CACNA1D: variants seen among roughly 807,000 people sequenced by gnomAD.
The protein encoded by CACNA1D is voltage-dependent L-type calcium channel subunit alpha-1D.
Under a neutral mutation model 257.1 loss-of-function variants are expected in CACNA1D, and 55 were observed. The observed-to-expected ratio is 0.21, with a 90% CI of 0.17 to 0.27. The LOEUF is 0.27. Among genes scored for constraint, CACNA1D ranks in the 10% least tolerant of loss-of-function variants. The pLI is 1.00. For synonymous variants in CACNA1D, 980 were observed against 1,014.9 expected (o/e 0.97, Z 0.65); for missense variants, 1,876 against 2,784.0 (o/e 0.67, Z 7.34).
At position 53,723,516 on chromosome 3, in the gene CACNA1D, C is replaced by T. The variant is rs565265907; in HGVS notation, c.1749C>T (p.Phe583=). Residue 583 remains phenylalanine, a synonymous_variant, in exon 13 of 48, where the codon TTC becomes TTT. Transcript: ENST00000350061. This position sits in a 1 kb window ranked among gnomAD's most constrained non-coding sequence, Gnocchi z 5.6. ...KMYSLGLQAY[F]VSLFNRFDCF... is the part of the protein sequence containing the mutation. ...ACAGCTTGGGCCTCCAAGCATATTTCGTCTCTCTTTTCAACCGGTTTGATT... is the reference window on the plus strand; with the variant it reads ...ACAGCTTGGGCCTCCAAGCATATTTTGTCTCTCTTTTCAACCGGTTTGATT... The T allele has an allele frequency of 5.3e-5, 85 of 1,614,048 alleles. No homozygotes were observed. Among genetic ancestry groups the T allele is most frequent in the South Asian group, 1.6e-4 (15 of 91,072 alleles).
chr3:53,678,103 G>A (rs2094393953), intron 8 of CACNA1D, among the ~76,000 whole-genome samples: 2 of 152,194 alleles, frequency 1.3e-5, no homozygotes, highest in Non-Finnish European at 2.9e-5. Flanking sequence ...GTCTGTGTTA[G>A]TGAAAAGCCC....
At chr3:53,554,721 G>A (rs1208425745) in intron 3 of CACNA1D, among the ~76,000 whole-genome samples, 1 of 152,212 alleles carries the variant, frequency 6.6e-6, no homozygotes, top group East Asian at 1.9e-4. Context: ...AAGCACATTG[G>A]TGGCTTACAT....
At chr3:53,727,489 G>A (rs1248357122) in intron 15 of CACNA1D, among the ~76,000 whole-genome samples, 1 of 152,206 alleles carries the variant, frequency 6.6e-6, no homozygotes, top group African/African-American at 2.4e-5. Context: ...CGGATCAAGT[G>A]TCCATTGGCT....
chr3:53,734,968 G>A (rs943282762), intron 19 of CACNA1D, among the ~76,000 whole-genome samples: 2 of 152,152 alleles, frequency 1.3e-5, no homozygotes, highest in Non-Finnish European at 2.9e-5. Flanking sequence ...AGTCAGGGAA[G>A]ATAAACAGAT....
rs768234837 is a variant in CACNA1D, at chr3:53,801,054, G to A, written c.5041-4G>A. 1.1e-5 allele frequency: 17 copies of A among 1,613,596 alleles called. No individual in the cohort carries two copies. The highest frequency in any genetic ancestry group is 1.0e-4 in the Admixed American group (6 of 59,996). Reference sequence around the variant, plus strand: ...ACCTGGTGTTGTCTCCCATTATTTTGCAGAGAAATGGTGCCCTGCTTGGAA... The same window carrying A: ...ACCTGGTGTTGTCTCCCATTATTTTACAGAGAAATGGTGCCCTGCTTGGAA... On this transcript the variant is annotated splice_region_variant and splice_polypyrimidine_tract_variant and intron_variant, in intron 41 of 47. Coordinates refer to ENST00000350061, the MANE Select transcript of CACNA1D (RefSeq NM_001128840.3).
intron 43 of CACNA1D, 56 bp from the exon 44 acceptor site, chr3:53,803,367 C>T: frequency 1.2e-6 from 2 of 1,606,110 alleles, no homozygotes; most frequent in South Asian, 2.2e-5. Flanking sequence ...GGTGCAGCTG[C>T]AGCAGGAATT....
intron 11 of CACNA1D, among the ~76,000 whole-genome samples, chr3:53,720,499 G>A (rs979252609): frequency 6.6e-5 from 10 of 152,144 alleles, no homozygotes; most frequent in African/African-American, 1.2e-4. Flanking sequence ...TATTTGCAAA[G>A]CATATTTGAT....
chr3:53,710,318 C>A, intron 9 of CACNA1D: 1 of 439,216 alleles, frequency 2.3e-6, no homozygotes, highest in Non-Finnish European at 4.7e-6. Context: ...GCAGGGCTGG[C>A]CGCGTGGGGC....
chr3:53,672,737 G>A (rs763688705), intron 7 of CACNA1D, among the ~76,000 whole-genome samples: 16 of 144,460 alleles, frequency 1.1e-4, no homozygotes, highest in Non-Finnish European at 2.2e-4. Context: ...GCTATTATTC[G>A]GCCTGAAAGC....
intron 46 of CACNA1D, 125 bp downstream of exon 46, chr3:53,808,895 T>TA: frequency 1.0e-6 from 1 of 975,208 alleles, no homozygotes; most frequent in Admixed American, 2.1e-5. Flanking sequence ...ACCTACAGTC[T>TA]AGTTAATCTT....
At chr3:53,798,580 T>C (rs961541279) in intron 40 of CACNA1D, among the ~76,000 whole-genome samples, 10 of 152,186 alleles carry the variant, frequency 6.6e-5, no homozygotes, top group Non-Finnish European at 1.5e-4. Context: ...ACCTTCAGAA[T>C]TCACTAAATG....
intron 39 of CACNA1D, among the ~76,000 whole-genome samples, chr3:53,783,334 A>G (rs867860376): frequency 6.6e-6 from 1 of 152,220 alleles, no homozygotes; most frequent in Non-Finnish European, 1.5e-5. Context: ...TTAGCTCGCC[A>G]TCGAAGCTCC....
intron 10 of CACNA1D, among the ~76,000 whole-genome samples, chr3:53,719,028 G>T (rs982022366): frequency 2.0e-5 from 3 of 152,048 alleles, no homozygotes; most frequent in Non-Finnish European, 4.4e-5. Context: ...CAGCTGGCGG[G>T]GGGGCTGGGG....
chr3:53,778,356 C>CTT (rs2095408754), intron 37 of CACNA1D, among the ~76,000 whole-genome samples: 1 of 152,190 alleles, frequency 6.6e-6, no homozygotes, highest in Non-Finnish European at 1.5e-5. Context: ...ATTTTGCTGA[C>CTT]TCAGGAACTT....
intron 4 of CACNA1D, among the ~76,000 whole-genome samples, chr3:53,658,650 T>G (rs1443269648): frequency 6.6e-6 from 1 of 152,244 alleles, no homozygotes; most frequent in African/African-American, 2.4e-5. Flanking sequence ...TTTCTTTTTC[T>G]TTGTTTTTCT....
At chr3:53,587,380 T>A (rs568269726) in intron 3 of CACNA1D, among the ~76,000 whole-genome samples, 4 of 152,328 alleles carry the variant, frequency 2.6e-5, no homozygotes, top group African/African-American at 7.2e-5. Flanking sequence ...TTGGCCTGGA[T>A]GTAATGGGGC....
In CACNA1D at chr3:53,566,492, C is replaced by A. The variant is rs924819226; in HGVS notation, c.483+64772C>A. The stretch of plus-strand genomic sequence containing the variant: ...GCACCCACATTCATCTCTGCCAGCC[C>A]TCCCTGAGTTCCTACATGGCACCTG... On this transcript the variant is annotated intron_variant, in intron 3 of 47. Coordinates refer to ENST00000350061, the MANE Select transcript of CACNA1D (RefSeq NM_001128840.3). 5.7e-4 allele frequency among the ~76,000 whole-genome samples: 86 copies of A among 152,192 alleles called. 1 individual carries two copies. The highest frequency in any genetic ancestry group is 1.5e-5 in the Non-Finnish European group (1 of 68,024).
intron 3 of CACNA1D, among the ~76,000 whole-genome samples, chr3:53,555,140 G>A (rs2092614105): frequency 6.6e-6 from 1 of 152,110 alleles, no homozygotes; most frequent in South Asian, 2.1e-4. Flanking sequence ...TATCTGGCGT[G>A]GTCCCATGAG....
chr3:53,722,902 T>C (rs1373135966), intron 12 of CACNA1D, among the ~76,000 whole-genome samples: 2 of 152,150 alleles, frequency 1.3e-5, no homozygotes, highest in East Asian at 3.9e-4. Flanking sequence ...TTTGACAGTT[T>C]TGAGCCTTTG....
Sources: gnomAD v4.1 joint callset for allele counts (sites outside exome capture counted in the v4.1 genomes callset) on GRCh38, gnomAD v4.1.1 for gene constraint, Gnocchi (gnomAD v3.1) non-coding constraint, MANE v1.5 for transcripts, NCBI Gene and HGNC (gene_info 2026-07-23, HGNC 2026-07-21) for gene names.